Variants in NR2F1 observed in about 807,000 individuals in gnomAD.
The protein encoded by NR2F1 is COUP transcription factor 1.
Under a neutral mutation model 37.7 loss-of-function variants are expected in NR2F1, and 1 was observed. That is an observed-to-expected ratio of 0.03 (90% CI 0.01 to 0.13). The LOEUF (loss-of-function observed/expected upper bound fraction) is 0.13. Ranked by LOEUF, NR2F1 falls within the 10% of genes least tolerant of loss-of-function variation. The pLI is 1.00. For synonymous variants in NR2F1, 275 were observed against 259.6 expected (o/e 1.06, Z -0.57); for missense variants, 268 against 578.4 (o/e 0.46, Z 5.50).
At chr5:93,587,746 T>G (rs952594748) in intron 1 of NR2F1, among the ~76,000 whole-genome samples, 171 bp from the exon 2 acceptor site, 2 of 152,222 alleles carry the variant, frequency 1.3e-5, no homozygotes, top group African/African-American at 2.4e-5. Context: ...CTGGAGGGCC[T>G]CACCCCAGAT....
rs1753377768 is a variant in NR2F1, at chr5:93,593,923, A to G, written c.*81A>G. 2 of 1,440,596 alleles carry G rather than the reference A, an allele frequency of 1.4e-6. No homozygotes were observed. The highest frequency in any genetic ancestry group is 1.4e-5 in the African/African-American group (1 of 71,316). The allele number at this position is 1,440,596 out of a possible 1,614,324, so 89.2% of individuals were successfully genotyped here. ...GGCCAAGGACTCCAAAGCCGCGGGG[A>G]CACCGGGAAGTGCAGCGGGCCAGGC... is the stretch of plus-strand genomic sequence containing the variant. On this transcript the variant is annotated 3_prime_UTR_variant, in exon 3 of 3. Transcript: ENST00000327111. The surrounding 1 kb of genome is among the most constrained non-coding windows in gnomAD (Gnocchi z 5.6).
intron 2 of NR2F1, among the ~76,000 whole-genome samples, chr5:93,591,244 C>T (rs1753324524): frequency 1.3e-5 from 2 of 152,312 alleles, no homozygotes; most frequent in African/African-American, 2.4e-5. Flanking sequence ...CACATTCTGC[C>T]TCATTTTCTT....
chr5:93,583,954 AC>A lies in NR2F1; in HGVS notation c.-1069del, dbSNP rs1753175129. 1 of 151,960 alleles carries A rather than the reference AC, an allele frequency of 6.6e-6. No homozygotes were observed. Among genetic ancestry groups the A allele is most frequent in the Non-Finnish European group, 1.5e-5 (1 of 67,900 alleles). The allele number at this position is 151,960 out of a possible 1,614,324, so 9.4% of individuals were successfully genotyped here. ...GCGAGAGCCCGGCGCCACCGGCACA[AC>A]AAAAAGAGCAAAGTGTGTGATCTTC... On this transcript the variant is annotated 5_prime_UTR_variant, in exon 1 of 3. Transcript: ENST00000327111.
At chr5:93,589,819 G>T (rs1445909925) in intron 2 of NR2F1, among the ~76,000 whole-genome samples, 1 of 152,160 alleles carries the variant, frequency 6.6e-6, no homozygotes, top group Non-Finnish European at 1.5e-5. Context: ...TATTAATATC[G>T]ATCTGAACAG....
In NR2F1 at chr5:93,583,750, AAAG is replaced by A. The variant is rs1228662535; in HGVS notation, c.-1269_-1267del. 6.6e-6 allele frequency: 1 copy of A among 152,158 alleles called. No homozygotes were observed. The highest frequency in any genetic ancestry group is 2.4e-5 in the African/African-American group (1 of 41,436). The allele number at this position is 152,158 out of a possible 1,614,324, so 9.4% of individuals were successfully genotyped here. On this transcript the variant is annotated 5_prime_UTR_variant, in exon 1 of 3. Transcript: ENST00000327111. ...GCAGAAGAAGGAGCAAGAAAGAGGA[AAAG>A]AAGAGGATTATTTATTCGACCTACT...
chr5:93,593,927 C>A lies in NR2F1; in HGVS notation c.*85C>A. ...AAGGACTCCAAAGCCGCGGGGACACCGGGAAGTGCAGCGGGCCAGGCAGGC... is the reference window on the plus strand; with the variant it reads ...AAGGACTCCAAAGCCGCGGGGACACAGGGAAGTGCAGCGGGCCAGGCAGGC... On this transcript the variant is annotated 3_prime_UTR_variant, in exon 3 of 3. Transcript: ENST00000327111. The surrounding 1 kb of genome is among the most constrained non-coding windows in gnomAD (Gnocchi z 5.6). The A allele has an allele frequency of 7.2e-7, 1 of 1,391,730 alleles. No individual in the cohort carries two copies. The highest frequency in any genetic ancestry group is 1.3e-5 in the South Asian group (1 of 75,562). 86.2% of individuals were successfully genotyped at this position (1,391,730 alleles called of 1,614,324 possible).
chr5:93,591,526 G>A (rs1030181399), intron 2 of NR2F1, among the ~76,000 whole-genome samples: 4 of 152,178 alleles, frequency 2.6e-5, no homozygotes, highest in Non-Finnish European at 5.9e-5. Context: ...GGGAAGAAAT[G>A]GAAGCAACCA....
chr5:93,594,062 C>T lies in NR2F1; in HGVS notation c.*220C>T, dbSNP rs923574780. The T allele has an allele frequency of 1.8e-5, 8 of 435,868 alleles. No individual in the cohort carries two copies. The South Asian group carries it at 3.3e-4, about 18-fold the overall frequency. 27.0% of individuals were successfully genotyped at this position (435,868 alleles called of 1,614,324 possible). Reference sequence around the variant, plus strand: ...TCTTTTAGGATCAGATCTGTGAGCACGTTGGCGAGGAAAAACAAAACAAAC... The same window carrying T: ...TCTTTTAGGATCAGATCTGTGAGCATGTTGGCGAGGAAAAACAAAACAAAC... On this transcript the variant is annotated 3_prime_UTR_variant, in exon 3 of 3. Coordinates refer to ENST00000327111, the MANE Select transcript of NR2F1 (RefSeq NM_005654.6).
intron 2 of NR2F1, 36 bp downstream of exon 2, chr5:93,588,480 G>A (rs1031299196): frequency 5.5e-6 from 8 of 1,454,138 alleles, no homozygotes; most frequent in African/African-American, 1.5e-5. Context: ...AGGCCGCGCC[G>A]GCAGCGAGCG....
chr5:93,585,649 C>A lies in NR2F1; in HGVS notation c.463+163C>A, dbSNP rs867622223. On this transcript the variant is annotated intron_variant, in intron 1 of 2. Transcript: ENST00000327111. Reference sequence around the variant, plus strand: ...TGCCTTCCTCCCCCGGCGTCTCCCCCCGCCCTCCCCAGCTCGCTGCCGCTG... The same window carrying A: ...TGCCTTCCTCCCCCGGCGTCTCCCCACGCCCTCCCCAGCTCGCTGCCGCTG... The A allele has an allele frequency of 3.6e-4, 226 of 622,656 alleles. 2 individuals carry two copies. Among genetic ancestry groups the A allele is most frequent in the Middle Eastern group, 4.4e-4 (1 of 2,290 alleles). The allele number at this position is 622,656 out of a possible 1,614,324, so 38.6% of individuals were successfully genotyped here. A position where few individuals can be genotyped will look rare whatever the true frequency, so the allele number is the denominator to read the frequency against.
intron 2 of NR2F1, among the ~76,000 whole-genome samples, chr5:93,590,297 C>A (rs1397295046): frequency 6.6e-6 from 1 of 152,170 alleles, no homozygotes; most frequent in Non-Finnish European, 1.5e-5. Context: ...CTCTCTTTTC[C>A]TTACACCCCC....
Position 93,593,410 on chromosome 5 carries a change from T to C in NR2F1, c.992-152T>C. 1 of 743,842 alleles carries C rather than the reference T, an allele frequency of 1.3e-6. No homozygotes were observed. Among genetic ancestry groups the C allele is most frequent in the Non-Finnish European group, 2.2e-6 (1 of 445,446 alleles). The allele number at this position is 743,842 out of a possible 1,614,324, so 46.1% of individuals were successfully genotyped here. A position where few individuals can be genotyped will look rare whatever the true frequency, so the allele number is the denominator to read the frequency against. On this transcript the variant is annotated intron_variant, in intron 2 of 2. Transcript: ENST00000327111. This position sits in a 1 kb window ranked among gnomAD's most constrained non-coding sequence, Gnocchi z 5.6. The stretch of plus-strand genomic sequence containing the variant: ...GAATGAAGAAGGGGATGGAGAGGTA[T>C]AGGAGGGTGAATTTTTCTTTTCTCT...
chr5:93,591,919 C>G (rs1413180653), intron 2 of NR2F1: 1 of 152,200 alleles, frequency 6.6e-6, no homozygotes, highest in African/African-American at 2.4e-5. Flanking sequence ...TGCCCTGGCC[C>G]TAATAGCCAT....
rs538774589 is a variant in NR2F1, at chr5:93,590,279, G to A, written c.991+1835G>A. Among the ~76,000 whole-genome samples, 7 of 152,282 alleles carry A rather than the reference G, an allele frequency of 4.6e-5. No homozygotes were observed. The East Asian group carries it at 1.4e-3, about 29-fold the overall frequency. On this transcript the variant is annotated intron_variant, in intron 2 of 2. Coordinates refer to ENST00000327111, the MANE Select transcript of NR2F1 (RefSeq NM_005654.6). Reference sequence around the variant, plus strand: ...ACTGGACAGACGTTTTCTCAGGAAAGGTCTCTCCTCTCTTTTCCTTACACC... The same window carrying A: ...ACTGGACAGACGTTTTCTCAGGAAAAGTCTCTCCTCTCTTTTCCTTACACC...
At position 93,584,499 on chromosome 5, in the gene NR2F1, T is replaced by A. The variant is rs1366775754; in HGVS notation, c.-525T>A. 4 of 148,224 alleles carry A rather than the reference T, an allele frequency of 2.7e-5. No individual in the cohort carries two copies. The South Asian group carries it at 6.3e-4, about 23-fold the overall frequency. 9.2% of individuals were successfully genotyped at this position (148,224 alleles called of 1,614,324 possible). A position where few individuals can be genotyped will look rare whatever the true frequency, so the allele number is the denominator to read the frequency against. On this transcript the variant is annotated 5_prime_UTR_variant, in exon 1 of 3. Coordinates refer to ENST00000327111, the MANE Select transcript of NR2F1 (RefSeq NM_005654.6). ...GGAGGGCGAGTGTGTGCGCGCGCCG[T>A]GGCCCATGCCCGCCGCCCCCGGCGC...
chr5:93,586,549 T>C (rs1476921081), intron 1 of NR2F1, among the ~76,000 whole-genome samples: 2 of 152,262 alleles, frequency 1.3e-5, no homozygotes, highest in South Asian at 2.1e-4. Context: ...AGATGTCTTA[T>C]AGTCAAATTA....
In NR2F1 at chr5:93,583,544, G is replaced by A. The variant is rs922048311; in HGVS notation, c.-1480G>A. 5 of 152,174 alleles carry A rather than the reference G, an allele frequency of 3.3e-5. No individual in the cohort carries two copies. The highest frequency in any genetic ancestry group is 1.2e-4 in the African/African-American group (5 of 41,484). The allele number at this position is 152,174 out of a possible 1,614,324, so 9.4% of individuals were successfully genotyped here. On this transcript the variant is annotated 5_prime_UTR_variant, in exon 1 of 3. Coordinates refer to ENST00000327111, the MANE Select transcript of NR2F1 (RefSeq NM_005654.6). The stretch of plus-strand genomic sequence containing the variant: ...ACTTAAAGAAAAAAAAAAGGAGGAG[G>A]AGGAGGAGGAGGCACCCCCTTCGTA...
chr5:93,594,016 C>G lies in NR2F1; in HGVS notation c.*174C>G. 1 of 594,928 alleles carries G rather than the reference C, an allele frequency of 1.7e-6. No homozygotes were observed. The highest frequency in any genetic ancestry group is 2.9e-6 in the Non-Finnish European group (1 of 339,504). The allele number at this position is 594,928 out of a possible 1,614,324, so 36.9% of individuals were successfully genotyped here. The stretch of plus-strand genomic sequence containing the variant: ...CCCAGCAGAAATACAATCCGAGCTA[C>G]AAAGCATGGGAAAAAGAGACTCTTT... On this transcript the variant is annotated 3_prime_UTR_variant, in exon 3 of 3. Transcript: ENST00000327111.
Position 93,585,479 on chromosome 5 carries a change from G to A in NR2F1, c.456G>A (p.Arg152=). Residue 152 remains arginine (R), a synonymous_variant, in exon 1 of 3, where the codon AGG becomes AGA. Coordinates refer to ENST00000327111, the MANE Select transcript of NR2F1 (RefSeq NM_005654.6). The part of the protein sequence containing the change: ...RLKKCLKVGM[R]REAVQRGRMP... Reference sequence around the variant, plus strand: ...AGAAGTGCCTCAAAGTGGGCATGAGGCGGGAAGGTGAATATTTCTTCTCTG... The same window carrying A: ...AGAAGTGCCTCAAAGTGGGCATGAGACGGGAAGGTGAATATTTCTTCTCTG... The A allele has an allele frequency of 6.2e-7, 1 of 1,611,018 alleles. No individual in the cohort carries two copies.
Sources: allele counts gnomAD v4.1 joint callset (sites outside exome capture counted in the v4.1 genomes callset), GRCh38; gene constraint gnomAD v4.1.1; non-coding constraint Gnocchi (gnomAD v3.1); transcripts MANE v1.5; gene names NCBI Gene and HGNC (gene_info 2026-07-23, HGNC 2026-07-21).